The following PUDP variants were observed in gnomAD, a reference collection of about 807,000 sequenced individuals.
PUDP encodes the protein pseudouridine-5'-phosphatase.
Under a neutral mutation model 9.4 loss-of-function variants are expected in PUDP, and 8 were observed. The observed-to-expected ratio is 0.85, with a 90% CI of 0.50 to 1.53. The LOEUF (loss-of-function observed/expected upper bound fraction) is 1.53. PUDP is among the 40% of genes most tolerant of loss of function. PUDP has a pLI of 0.00. For missense variants in PUDP, 188 were observed against 189.7 expected (o/e 0.99, Z 0.05); for synonymous variants, 99 against 80.7 (o/e 1.23, Z -1.22).
intron 1 of PUDP, chrX:7,112,999 G>A (rs185461350): frequency 1.8e-5 from 2 of 112,361 alleles, no homozygotes; most frequent in East Asian, 5.6e-4. Flanking sequence ...TTACAAAAGA[G>A]GTTTCTTCAA....
rs779325465 is a variant in PUDP, at chrX:6,729,716, G to C, written c.*248-23250C>G. Among the ~76,000 whole-genome samples, 3 of 110,117 alleles carry C rather than the reference G, an allele frequency of 2.7e-5. No individual in the cohort carries two copies. The East Asian group carries it at 8.5e-4, about 31-fold the overall frequency. The stretch of plus-strand genomic sequence containing the variant: ...TTTTTCCTTTCTGCCTTCGTTACAC[G>C]CCCGGACACGCCACAGTACCAGGCT... On this transcript the variant is annotated intron_variant and NMD_transcript_variant, in intron 3 of 3. Transcript: ENST00000655425.
intron 2 of PUDP, among the ~76,000 whole-genome samples, chrX:7,079,473 T>C (rs771658357): frequency 3.6e-5 from 4 of 112,592 alleles, no homozygotes; most frequent in South Asian, 3.7e-4. Context: ...CCTGACCTAA[T>C]TGACGTTTAT....
chrX:7,130,024 T>A (rs1932578899), intron 1 of PUDP, among the ~76,000 whole-genome samples: 1 of 111,792 alleles, frequency 8.9e-6, no homozygotes, highest in Admixed American at 9.5e-5. Flanking sequence ...CAAAGCACTT[T>A]TCTTTTCACT....
At chrX:6,912,723 G>T (rs1045343065) in intron 3 of PUDP, among the ~76,000 whole-genome samples, 1 of 111,858 alleles carries the variant, frequency 8.9e-6, no homozygotes, top group Non-Finnish European at 1.9e-5. Context: ...AAGGAAAAGC[G>T]AACTATTTTG....
intron 3 of PUDP, among the ~76,000 whole-genome samples, chrX:6,967,721 A>T (rs781447454): frequency 2.7e-5 from 3 of 111,551 alleles, no homozygotes; most frequent in Non-Finnish European, 5.7e-5. Flanking sequence ...GAGAAACTAG[A>T]AGCCCTCCTT....
intron 3 of PUDP, among the ~76,000 whole-genome samples, chrX:6,789,617 C>T (rs1420124716): frequency 9.0e-6 from 1 of 111,148 alleles, no homozygotes; most frequent in Admixed American, 9.6e-5. Context: ...AGCTGGAGCG[C>T]TGATGGTTAG....
At chrX:7,009,929 A>C (rs920605833) in intron 1 of PUDP, among the ~76,000 whole-genome samples, 1 of 111,854 alleles carries the variant, frequency 8.9e-6, no homozygotes, top group Admixed American at 9.4e-5. Flanking sequence ...GGATGTCCCA[A>C]GGTCAAATTT....
intron 1 of PUDP, chrX:7,117,011 C>T: frequency 8.6e-7 from 1 of 1,167,577 alleles, no homozygotes; most frequent in East Asian, 3.3e-5. Context: ...CCCGAAGCAG[C>T]TGCCACTATG....
chrX:7,051,391 C>T (rs774338178), intron 3 of PUDP, among the ~76,000 whole-genome samples: 34 of 110,680 alleles, frequency 3.1e-4, no homozygotes, highest in South Asian at 1.2e-3. Flanking sequence ...TGGGGACTAG[C>T]GGGGTGAGGA....
At chrX:7,003,228 T>C (rs1929352374) in intron 1 of PUDP, among the ~76,000 whole-genome samples, 1 of 111,649 alleles carries the variant, frequency 9.0e-6, no homozygotes, top group Non-Finnish European at 1.9e-5. Flanking sequence ...ACATTCTGAC[T>C]CTATATTGTT....
At chrX:6,786,120 G>A (rs1199671064) in intron 3 of PUDP, among the ~76,000 whole-genome samples, 1 of 111,379 alleles carries the variant, frequency 9.0e-6, no homozygotes, top group African/African-American at 3.3e-5. Flanking sequence ...GGTCACTTGT[G>A]GACTCATTTA....
At chrX:7,080,639 G>T (rs1216844483) in intron 2 of PUDP, among the ~76,000 whole-genome samples, 2 of 112,185 alleles carry the variant, frequency 1.8e-5, no homozygotes, top group Non-Finnish European at 1.9e-5. Context: ...ATACTAAAAT[G>T]CCACACTATT....
chrX:6,954,237 A>G (rs902882557), intron 3 of PUDP, among the ~76,000 whole-genome samples: 2 of 111,103 alleles, frequency 1.8e-5, no homozygotes, highest in African/African-American at 6.5e-5. Flanking sequence ...TTTACACTGA[A>G]CACATTGTTT....
At position 7,067,844 on chromosome X, in the gene PUDP, CA is replaced by C. The variant is rs754595355; in HGVS notation, c.510+9375del. ...GGGACTCGGTGGAAGGTAATTGAAT[CA>C]GGGGGGTAGGTCTTTCTCATGCTGT... On this transcript the variant is annotated intron_variant, in intron 3 of 3. Coordinates refer to ENST00000381077, the MANE Select transcript of PUDP (RefSeq NM_012080.5). Among the ~76,000 whole-genome samples the C allele has an allele frequency of 4.5e-5, 5 of 111,363 alleles. No homozygotes were observed. The South Asian group carries it at 1.2e-3, about 27-fold the overall frequency.
rs1034233532 is a variant in PUDP at position 6,887,701 on chromosome X, C to G, written c.*247+89432G>C. Among the ~76,000 whole-genome samples, 4 of 112,074 alleles carry G rather than the reference C, an allele frequency of 3.6e-5. No homozygotes were observed. In the East Asian group the frequency reaches 1.1e-3, roughly 31 times the overall value. ...CAAATGAGCATCAGTCATTTAGTAA[C>G]AATGCCTTGTTATAAATACAGCTTC... On this transcript the variant is annotated intron_variant and NMD_transcript_variant, in intron 3 of 3. Transcript: ENST00000655425.
chrX:6,934,458 G>T (rs1334810605), intron 3 of PUDP, among the ~76,000 whole-genome samples: 1 of 109,915 alleles, frequency 9.1e-6, no homozygotes, highest in Non-Finnish European at 1.9e-5. Flanking sequence ...CACCAGGCCT[G>T]CCCTAAAAGA....
chrX:7,096,771 G>A (rs1931585247), intron 2 of PUDP, among the ~76,000 whole-genome samples: 1 of 111,400 alleles, frequency 9.0e-6, no homozygotes, highest in Admixed American at 9.5e-5. Context: ...AGCAGTTCGA[G>A]GCTGCAGTGA....
intron 3 of PUDP, among the ~76,000 whole-genome samples, chrX:6,916,809 T>A (rs1927942004): frequency 8.9e-6 from 1 of 112,332 alleles, no homozygotes; most frequent in Non-Finnish European, 1.9e-5. Flanking sequence ...CTTGTCTACA[T>A]TGAAATAACT....
At chrX:6,754,415 C>A (rs753937276) in intron 3 of PUDP, among the ~76,000 whole-genome samples, 21 of 110,555 alleles carry the variant, frequency 1.9e-4, no homozygotes, top group Non-Finnish European at 3.4e-4. Context: ...ATTATCCAGT[C>A]TTAGGTATGC....
Sources: gnomAD v4.1 joint callset for allele counts (sites outside exome capture counted in the v4.1 genomes callset) on GRCh38, gnomAD v4.1.1 for gene constraint, MANE v1.5 for transcripts, NCBI Gene and HGNC (gene_info 2026-07-23, HGNC 2026-07-21) for gene names.